The following WARS2 variants were observed in gnomAD, a reference collection of about 807,000 sequenced individuals.
WARS2 encodes tryptophan--tRNA ligase, mitochondrial.
WARS2 carries 28 observed loss-of-function variants against 36.5 expected under a neutral mutation model. The observed-to-expected ratio is 0.77, with a 90% CI of 0.57 to 1.05. The LOEUF (loss-of-function observed/expected upper bound fraction) is 1.05. WARS2 is among the 50% of genes least tolerant of loss of function. The pLI is 0.00. For missense variants in WARS2, 435 were observed against 456.8 expected (o/e 0.95, Z 0.44); for synonymous variants, 174 against 178.4 (o/e 0.98, Z 0.20).
At chr1:119,060,290 A>C (rs754903795) in intron 2 of WARS2, among the ~76,000 whole-genome samples, 2 of 152,160 alleles carry the variant, frequency 1.3e-5, no homozygotes, top group Non-Finnish European at 2.9e-5. Flanking sequence ...AGGGGCCTGC[A>C]TGGTTGTGTT....
At chr1:119,127,587 T>A (rs1655759259) in intron 1 of WARS2, among the ~76,000 whole-genome samples, 1 of 152,176 alleles carries the variant, frequency 6.6e-6, no homozygotes, top group Non-Finnish European at 1.5e-5. Flanking sequence ...GCAGAACCCA[T>A]ATACAAACCC....
At chr1:119,081,866 C>T (rs1392896286) in intron 1 of WARS2, among the ~76,000 whole-genome samples, 2 of 152,096 alleles carry the variant, frequency 1.3e-5, no homozygotes, top group Non-Finnish European at 2.9e-5. Flanking sequence ...AAGGTTTGGC[C>T]ATGCCTCAGC....
At position 119,114,616 on chromosome 1, in the gene WARS2, A is replaced by G. The variant is rs189091591; in HGVS notation, c.90+25939T>C. ...TCAGCTTCCTGGTTCAGGTTAGGAGATTTGGGAGTTGTCCTAGTAATCAGA... is the reference window on the plus strand; with the variant it reads ...TCAGCTTCCTGGTTCAGGTTAGGAGGTTTGGGAGTTGTCCTAGTAATCAGA... On this transcript the variant is annotated intron_variant, in intron 1 of 5. Coordinates refer to ENST00000235521, the MANE Select transcript of WARS2 (RefSeq NM_015836.4). 1.4e-3 allele frequency among the ~76,000 whole-genome samples: 211 copies of G among 152,258 alleles called. 1 individual carries two copies. The highest frequency in any genetic ancestry group is 4.8e-3 in the African/African-American group (198 of 41,552).
At position 119,032,952 on chromosome 1, in the gene WARS2, T is replaced by C. The variant is rs1415111802; in HGVS notation, c.1042A>G (p.Thr348Ala). 6.2e-7 allele frequency: 1 copy of C among 1,614,212 alleles called. No homozygotes were observed. Among genetic ancestry groups the C allele is most frequent in the South Asian group, 1.1e-5 (1 of 91,090 alleles). The change falls in exon 6 of 6, where the codon ACT becomes GCT. Residue 348 changes from threonine (T) to alanine (A), a missense_variant. Thr to Ala is a moderately conservative substitution (Grantham distance 58). Transcript: ENST00000235521. ...GSAKAKELAY[T>A]VCQEVKKLVG... ...AATTTCTTCACCTCCTGGCACACAG[T>C]GTATGCTAATTCTTTGGCTTTTGCT...
At chr1:119,119,748 C>T (rs587624127) in intron 1 of WARS2, among the ~76,000 whole-genome samples, 1 of 152,068 alleles carries the variant, frequency 6.6e-6, no homozygotes, top group Admixed American at 6.5e-5. Flanking sequence ...GAAATTAACT[C>T]CAAAAGGAAC....
chr1:119,102,000 T>C (rs1022542681), intron 1 of WARS2, among the ~76,000 whole-genome samples: 3 of 144,538 alleles, frequency 2.1e-5, no homozygotes, highest in African/African-American at 7.8e-5. Context: ...CAGACCACTA[T>C]GGACTTAGTT....
intron 1 of WARS2, among the ~76,000 whole-genome samples, chr1:119,094,443 A>G (rs1473686322): frequency 6.6e-6 from 1 of 151,610 alleles, no homozygotes; most frequent in Non-Finnish European, 1.5e-5. Flanking sequence ...CGGTTTTGAG[A>G]TATGTGTTTG....
At chr1:119,139,732 C>G (rs778297417) in intron 1 of WARS2, 11 of 152,238 alleles carry the variant, frequency 7.2e-5, no homozygotes, top group Non-Finnish European at 1.6e-4. Flanking sequence ...TCCTTTCTCT[C>G]TAGTTCCCAG....
At chr1:119,092,734 G>A (rs950759957) in intron 1 of WARS2, among the ~76,000 whole-genome samples, 11 of 152,164 alleles carry the variant, frequency 7.2e-5, no homozygotes, top group Non-Finnish European at 1.5e-4. Context: ...AATTTTAATA[G>A]TACTGATTTA....
At chr1:119,121,840 A>G (rs185580519) in intron 1 of WARS2, among the ~76,000 whole-genome samples, 77 of 152,328 alleles carry the variant, frequency 5.1e-4, no homozygotes, top group Admixed American at 4.9e-3. Flanking sequence ...GGCAAGCCAC[A>G]TATAGAATAA....
intron 1 of WARS2, among the ~76,000 whole-genome samples, chr1:119,133,776 G>A: frequency 6.6e-6 from 1 of 152,218 alleles, no homozygotes; most frequent in Middle Eastern, 3.4e-3. Context: ...TAGGATAACA[G>A]TCACTGAAGT....
At chr1:119,057,042 T>C (rs1279008832) in intron 2 of WARS2, among the ~76,000 whole-genome samples, 1 of 152,210 alleles carries the variant, frequency 6.6e-6, no homozygotes, top group Non-Finnish European at 1.5e-5. Flanking sequence ...GTATTCTCAG[T>C]ATCTTTAAGT....
chr1:119,090,177 AT>A (rs1303558709), intron 1 of WARS2, among the ~76,000 whole-genome samples: 2 of 152,228 alleles, frequency 1.3e-5, no homozygotes, highest in Non-Finnish European at 2.9e-5. Flanking sequence ...ACTAGGGGAA[AT>A]ACTAAATAAG....
At chr1:119,056,567 A>G (rs1453305342) in intron 2 of WARS2, among the ~76,000 whole-genome samples, 3 of 148,452 alleles carry the variant, frequency 2.0e-5, no homozygotes, top group Non-Finnish European at 4.5e-5. Context: ...TATATATTAT[A>G]TATAGTAAAT....
At position 119,136,126 on chromosome 1, in the gene WARS2, C is replaced by CTG. The variant is rs144134831; in HGVS notation, c.90+4427_90+4428dup. On this transcript the variant is annotated intron_variant, in intron 1 of 5. Transcript: ENST00000235521. ...ATTTGTATAAAAAATATATATTTGT[C>CTG]TGTGTGTGTGTGTGTGTGTACATAT... Among the ~76,000 whole-genome samples, 828 of 149,206 alleles carry CTG rather than the reference C, an allele frequency of 5.5e-3. 6 individuals are homozygous for CTG. The highest frequency in any genetic ancestry group is 0.016 in the East Asian group (80 of 5,118).
rs969207060 is a variant in WARS2 at position 119,049,867 on chromosome 1, A to G, written c.349-4205T>C. Among the ~76,000 whole-genome samples the G allele has an allele frequency of 2.6e-5, 4 of 152,118 alleles. No homozygotes were observed. In the East Asian group the frequency reaches 7.7e-4, roughly 29 times the overall value. Reference sequence around the variant, plus strand: ...AGCACTCCAGTGTGAGACACCATCAATCCTCCCCCAGAACACTGTGATAAC... The same window carrying G: ...AGCACTCCAGTGTGAGACACCATCAGTCCTCCCCCAGAACACTGTGATAAC... On this transcript the variant is annotated intron_variant, in intron 2 of 5. Coordinates refer to ENST00000235521, the MANE Select transcript of WARS2 (RefSeq NM_015836.4).
At chr1:119,061,665 C>T (rs1347013767) in intron 2 of WARS2, among the ~76,000 whole-genome samples, 1 of 151,926 alleles carries the variant, frequency 6.6e-6, no homozygotes, top group African/African-American at 2.4e-5. Flanking sequence ...CAGGTTATTG[C>T]TCTGTCTGTA....
At chr1:119,104,472 A>C (rs146602117) in intron 1 of WARS2, among the ~76,000 whole-genome samples, 1 of 151,822 alleles carries the variant, frequency 6.6e-6, no homozygotes, top group East Asian at 1.9e-4. Context: ...AAGAACACTA[A>C]ATTAGTGGGA....
chr1:119,113,407 T>C (rs1342900896), intron 1 of WARS2, among the ~76,000 whole-genome samples: 1 of 152,154 alleles, frequency 6.6e-6, no homozygotes, highest in African/African-American at 2.4e-5. Flanking sequence ...GCAAAGAAAG[T>C]AAGGATATCC....
Sources: gnomAD v4.1 joint callset for allele counts (sites outside exome capture counted in the v4.1 genomes callset) on GRCh38, gnomAD v4.1.1 for gene constraint, MANE v1.5 for transcripts, NCBI Gene and HGNC (gene_info 2026-07-23, HGNC 2026-07-21) for gene names.